Variants in NLGN1 observed in about 807,000 individuals in gnomAD.
NLGN1 encodes the protein neuroligin-1.
NLGN1 carries 12 observed loss-of-function variants against 65.5 expected under a neutral mutation model. The ratio of observed to expected loss-of-function variants is 0.18; its 90% CI spans 0.12 to 0.30. NLGN1 has a LOEUF of 0.30. NLGN1 is among the 10% of genes least tolerant of loss of function. The pLI is 1.00. For synonymous variants in NLGN1, 350 were observed against 359.5 expected, an observed-to-expected ratio of 0.97 and a Z score of 0.30; for missense variants, 750 against 1,007.1, an observed-to-expected ratio of 0.74 and a Z score of 3.46.
intron 4 of NLGN1, among the ~76,000 whole-genome samples, chr3:174,264,891 T>A: frequency 6.6e-6 from 1 of 152,008 alleles, no homozygotes; most frequent in South Asian, 2.1e-4. Flanking sequence ...TTGTTAGTTT[T>A]CCTTCTAACA....
chr3:173,816,653 G>A (rs773574903), intron 4 of NLGN1, among the ~76,000 whole-genome samples: 37 of 152,180 alleles, frequency 2.4e-4, no homozygotes, highest in Non-Finnish European at 4.0e-4. Flanking sequence ...TCTGGCAAAA[G>A]CCCTCATGAA....
chr3:173,826,317 A>G (rs1013999089), intron 4 of NLGN1, among the ~76,000 whole-genome samples: 2 of 152,062 alleles, frequency 1.3e-5, no homozygotes, highest in Non-Finnish European at 2.9e-5. Context: ...TTCCTGAGGT[A>G]GAGAAAGAGT....
At chr3:173,742,529 G>A (rs1249854922) in intron 3 of NLGN1, among the ~76,000 whole-genome samples, 1 of 152,064 alleles carries the variant, frequency 6.6e-6, no homozygotes, top group African/African-American at 2.4e-5. Context: ...AGATGAAGAA[G>A]CTGAGTGTCA....
At chr3:173,476,529 T>C (rs9855350) in intron 2 of NLGN1, among the ~76,000 whole-genome samples, 2,337 of 152,212 alleles carry the variant, frequency 0.015, 56 homozygotes, top group African/African-American at 0.054. Flanking sequence ...TTGGTAAAGG[T>C]CTGGAGTCAT....
chr3:173,589,597 T>C (rs1041467305), intron 2 of NLGN1, among the ~76,000 whole-genome samples: 3 of 152,204 alleles, frequency 2.0e-5, no homozygotes, highest in Admixed American at 2.0e-4. Flanking sequence ...TAGAATGTGA[T>C]TTTCTTATAT....
At chr3:174,029,629 G>T (rs1367022818) in intron 4 of NLGN1, among the ~76,000 whole-genome samples, 1 of 151,504 alleles carries the variant, frequency 6.6e-6, no homozygotes, top group Non-Finnish European at 1.5e-5. Flanking sequence ...ATGAGATTTT[G>T]GAGCAGTCAG....
intron 2 of NLGN1, among the ~76,000 whole-genome samples, chr3:173,442,214 G>T (rs1460991082): frequency 5.3e-5 from 8 of 152,006 alleles, no homozygotes; most frequent in Non-Finnish European, 1.0e-4. Context: ...GTTTATTTTT[G>T]ATTTTAAAAT....
At chr3:173,812,779 GTA>G (rs535720603) in intron 4 of NLGN1, among the ~76,000 whole-genome samples, 3 of 145,752 alleles carry the variant, frequency 2.1e-5, no homozygotes, top group East Asian at 2.0e-4. Context: ...ATATGTGTGT[GTA>G]TATATATATG....
chr3:173,978,718 G>T (rs561840047), intron 4 of NLGN1, among the ~76,000 whole-genome samples: 10 of 151,644 alleles, frequency 6.6e-5, no homozygotes, highest in South Asian at 4.2e-4. Context: ...AAATGAGGCC[G>T]GGCATGGTGG....
chr3:174,054,976 T>A (rs998870601), intron 4 of NLGN1, among the ~76,000 whole-genome samples: 4 of 151,902 alleles, frequency 2.6e-5, no homozygotes, highest in African/African-American at 9.7e-5. Flanking sequence ...TCCCGACTAA[T>A]CTTCTACTAG....
intron 4 of NLGN1, among the ~76,000 whole-genome samples, chr3:174,045,030 A>G (rs1248723535): frequency 6.6e-6 from 1 of 152,150 alleles, no homozygotes; most frequent in African/African-American, 2.4e-5. Flanking sequence ...ATTCTTGGGC[A>G]GTCCTTTATA....
intron 2 of NLGN1, among the ~76,000 whole-genome samples, chr3:173,533,859 A>G (rs147266909): frequency 5.9e-5 from 9 of 152,158 alleles, no homozygotes; most frequent in East Asian, 3.9e-4. Context: ...ATGCGCGCCT[A>G]TAGTCTCAGC....
At chr3:174,289,619 C>A (rs892583924), downstream of NLGN1, among the ~76,000 whole-genome samples, 2 of 151,124 alleles carry the variant, frequency 1.3e-5, no homozygotes, top group Admixed American at 6.6e-5. Flanking sequence ...AAAAATAATT[C>A]TCACACCAAT....
intron 4 of NLGN1, among the ~76,000 whole-genome samples, chr3:174,022,740 AG>A (rs1449585041): frequency 1.3e-5 from 2 of 151,982 alleles, no homozygotes; most frequent in Non-Finnish European, 2.9e-5. Context: ...CGTTTGATGC[AG>A]GGGGTATCTT....
At chr3:173,561,581 A>C (rs1284970006) in intron 2 of NLGN1, among the ~76,000 whole-genome samples, 1 of 152,220 alleles carries the variant, frequency 6.6e-6, no homozygotes, top group Non-Finnish European at 1.5e-5. Flanking sequence ...CAAAAATTAA[A>C]TATATGTGGT....
intron 4 of NLGN1, among the ~76,000 whole-genome samples, chr3:174,190,605 A>T (rs1732212885): frequency 6.6e-6 from 1 of 152,040 alleles, no homozygotes; most frequent in African/African-American, 2.4e-5. Flanking sequence ...TTATTGATAT[A>T]ACTATGTTCA....
At chr3:173,592,974 C>G (rs998378829) in intron 2 of NLGN1, among the ~76,000 whole-genome samples, 1 of 152,174 alleles carries the variant, frequency 6.6e-6, no homozygotes, top group African/African-American at 2.4e-5. Context: ...CCAGCCTCCA[C>G]AGCATTTGGG....
intron 4 of NLGN1, chr3:173,910,838 G>A (rs988909024): frequency 3.3e-5 from 5 of 152,146 alleles, no homozygotes; most frequent in Non-Finnish European, 5.9e-5. Context: ...TTCTCCAAGT[G>A]TTCTTCGTCA....
chr3:173,955,750 A>G (rs1292973799), intron 4 of NLGN1, among the ~76,000 whole-genome samples: 2 of 152,196 alleles, frequency 1.3e-5, no homozygotes, highest in Non-Finnish European at 2.9e-5. Context: ...AATGTATTAG[A>G]AATTATCTAA....
Sources: allele counts gnomAD v4.1 joint callset (sites outside exome capture counted in the v4.1 genomes callset), GRCh38; gene constraint gnomAD v4.1.1; transcripts MANE v1.5; gene names NCBI Gene and HGNC (gene_info 2026-07-23, HGNC 2026-07-21).